Variants in IL4R observed in about 807,000 individuals in gnomAD.
The protein encoded by IL4R is interleukin-4 receptor subunit alpha.
Under a neutral mutation model 41.5 loss-of-function variants are expected in IL4R, and 17 were observed. That is an observed-to-expected ratio of 0.41 (90% CI 0.28 to 0.61). The LOEUF (loss-of-function observed/expected upper bound fraction) is 0.61, where lower values mean the gene tolerates loss of function less well. Ranked by LOEUF, IL4R falls within the 20% of genes least tolerant of loss-of-function variation. The probability of loss-of-function intolerance (pLI) is 0.31; values close to 1 mark genes in which losing one functional copy is unlikely to be tolerated. For synonymous variants in IL4R, 402 were observed against 422.9 expected (o/e 0.95, Z 0.61); for missense variants, 974 against 1,043.1 (o/e 0.93, Z 0.91).
chr16:27,323,677 A>G (rs1375247213), intron 1 of IL4R, among the ~76,000 whole-genome samples: 2 of 149,476 alleles, frequency 1.3e-5, no homozygotes, highest in Non-Finnish European at 3.0e-5. Context: ...TTTTTTAGAG[A>G]TAGGGTCTCA....
rs779355998 is a variant in IL4R at position 27,328,205 on chromosome 16, C to CAAAAAAAA, written c.-151-1850_-151-1843dup. 1.3e-3 allele frequency among the ~76,000 whole-genome samples: 89 copies of CAAAAAAAA among 70,492 alleles called. 1 individual carries two copies. Among genetic ancestry groups the CAAAAAAAA allele is most frequent in the African/African-American group, 2.9e-3 (57 of 19,806 alleles). 46.2% of individuals were successfully genotyped at this position (70,492 alleles called of 152,430 possible). ...CTGGTGACAAAGCTAGGCTCCATCT[C>CAAAAAAAA]AAAAAAAAAAAAAAAAAAGATTGTT... is the stretch of plus-strand genomic sequence containing the variant. On this transcript the variant is annotated intron_variant, in intron 1 of 10. Transcript: ENST00000395762.
intron 1 of IL4R, among the ~76,000 whole-genome samples, chr16:27,325,175 A>G (rs1482700107): frequency 6.6e-6 from 1 of 150,868 alleles, no homozygotes; most frequent in Non-Finnish European, 1.5e-5. Flanking sequence ...GCTCCAGCCA[A>G]GGGCCCCGCT....
chr16:27,323,772 C>T (rs1185706899), intron 1 of IL4R, among the ~76,000 whole-genome samples: 1 of 152,044 alleles, frequency 6.6e-6, no homozygotes, highest in Non-Finnish European at 1.5e-5. Flanking sequence ...CCTCCTGCCT[C>T]ATCTCCCTTA....
In IL4R at chr16:27,345,167, C is replaced by A; in HGVS notation, c.361+147C>A. The A allele has an allele frequency of 1.1e-6, 1 of 899,780 alleles. No homozygotes were observed. Among genetic ancestry groups the A allele is most frequent in the Non-Finnish European group, 1.8e-6 (1 of 566,408 alleles). 55.7% of individuals were successfully genotyped at this position (899,780 alleles called of 1,614,324 possible). Reference sequence around the variant, plus strand: ...TTTCCCAAATCTGATGGGATTCCTGCCCCTGCCTGGGCCTCAGTCCTCCCA... The same window carrying A: ...TTTCCCAAATCTGATGGGATTCCTGACCCTGCCTGGGCCTCAGTCCTCCCA... On this transcript the variant is annotated intron_variant, in intron 5 of 10. Coordinates refer to ENST00000395762, the MANE Select transcript of IL4R (RefSeq NM_000418.4). This position sits in a 1 kb window ranked among gnomAD's most constrained non-coding sequence, Gnocchi z 4.5.
chr16:27,347,330 A>G (rs1287652999), intron 6 of IL4R, among the ~76,000 whole-genome samples: 2 of 152,134 alleles, frequency 1.3e-5, no homozygotes, highest in Admixed American at 6.5e-5. Context: ...AGCCGGGACT[A>G]CAGGCACCTG....
At chr16:27,337,031 C>T (rs963909677) in intron 2 of IL4R, among the ~76,000 whole-genome samples, 6 of 151,988 alleles carry the variant, frequency 3.9e-5, no homozygotes, top group South Asian at 2.1e-4. Flanking sequence ...GAGCCGAGAT[C>T]GCGCCATTGC....
chr16:27,317,962 T>C (rs2084694517), intron 1 of IL4R, among the ~76,000 whole-genome samples: 1 of 152,230 alleles, frequency 6.6e-6, no homozygotes, highest in Non-Finnish European at 1.5e-5. Context: ...AGCACCTATA[T>C]GTGCCAGAGC....
At position 27,360,753 on chromosome 16, in the gene IL4R, C is replaced by G; in HGVS notation, c.850-13C>G. ...GCCACTCTGCTCTTTCATTGGCTGT[C>G]TCTGTATTTTAGGGGTCACAGTGGG... On this transcript the variant is annotated splice_polypyrimidine_tract_variant and intron_variant, in intron 9 of 10. Transcript: ENST00000395762. 1 of 1,614,104 alleles carries G rather than the reference C, an allele frequency of 6.2e-7. No individual in the cohort carries two copies. Among genetic ancestry groups the G allele is most frequent in the Non-Finnish European group, 8.5e-7 (1 of 1,180,038 alleles).
chr16:27,325,799 C>A (rs2084941623), intron 1 of IL4R, among the ~76,000 whole-genome samples: 1 of 151,990 alleles, frequency 6.6e-6, no homozygotes, highest in Admixed American at 6.6e-5. Flanking sequence ...AGAAACCTGA[C>A]CCTCTAGGAT....
chr16:27,355,430 A>G (rs950199564), intron 7 of IL4R: 1 of 295,742 alleles, frequency 3.4e-6, no homozygotes, highest in Non-Finnish European at 6.7e-6. Context: ...CAATTCTGTC[A>G]TTAACCCCAT....
intron 1 of IL4R, among the ~76,000 whole-genome samples, chr16:27,326,400 C>T (rs994623563): frequency 2.0e-5 from 3 of 152,146 alleles, no homozygotes; most frequent in East Asian, 1.9e-4. Flanking sequence ...GTTGGAAGGC[C>T]GAGGCAGGAG....
chr16:27,349,809 G>T (rs900055973), intron 6 of IL4R, among the ~76,000 whole-genome samples: 1 of 152,200 alleles, frequency 6.6e-6, no homozygotes, highest in African/African-American at 2.4e-5. Flanking sequence ...GAATGCAGGG[G>T]CGTGATCATG....
intron 2 of IL4R, among the ~76,000 whole-genome samples, chr16:27,335,130 G>A (rs1469816893): frequency 2.0e-5 from 3 of 152,060 alleles, no homozygotes; most frequent in African/African-American, 7.2e-5. Flanking sequence ...ATCCTTGGCA[G>A]GAACCCAGGA....
chr16:27,346,810 C>T (rs530793918), intron 6 of IL4R, among the ~76,000 whole-genome samples, 192 bp downstream of exon 6: 1 of 152,294 alleles, frequency 6.6e-6, no homozygotes, highest in African/African-American at 2.4e-5. Flanking sequence ...TGGCCCCCCA[C>T]CCCTCACATC....
intron 1 of IL4R, among the ~76,000 whole-genome samples, chr16:27,321,791 C>T (rs932854799): frequency 9.2e-5 from 14 of 152,102 alleles, no homozygotes; most frequent in African/African-American, 3.4e-4. Flanking sequence ...TTAGAATTTC[C>T]CTTTTGGTTC....
At chr16:27,337,331 T>C (rs1467768363) in intron 2 of IL4R, among the ~76,000 whole-genome samples, 3 of 152,154 alleles carry the variant, frequency 2.0e-5, no homozygotes, top group Non-Finnish European at 1.5e-5. Context: ...ACACCTCCGT[T>C]CCTGTTTGCT....
At chr16:27,355,974 C>T in intron 8 of IL4R, 67 bp downstream of exon 8, 1 of 1,046,256 alleles carries the variant, frequency 9.6e-7, no homozygotes, top group Non-Finnish European at 1.5e-6. Flanking sequence ...ACTTGCCCCT[C>T]TAGTCTGCCC....
chr16:27,356,854 A>G (rs2086097993), intron 8 of IL4R, among the ~76,000 whole-genome samples: 1 of 152,158 alleles, frequency 6.6e-6, no homozygotes. Flanking sequence ...AACATATTTC[A>G]TCAGCCAGAA....
chr16:27,351,450 G>A (rs1344499344), intron 6 of IL4R, among the ~76,000 whole-genome samples: 1 of 151,774 alleles, frequency 6.6e-6, no homozygotes, highest in Non-Finnish European at 1.5e-5. Flanking sequence ...TTCAAAGTGG[G>A]GATCATCGGG....
Sources: allele counts gnomAD v4.1 joint callset (sites outside exome capture counted in the v4.1 genomes callset), GRCh38; gene constraint gnomAD v4.1.1; non-coding constraint Gnocchi (gnomAD v3.1); transcripts MANE v1.5; gene names NCBI Gene and HGNC (gene_info 2026-07-23, HGNC 2026-07-21).